Variants in BICD1 observed in about 807,000 individuals in gnomAD.
BICD1 encodes the protein BICD cargo adaptor 1, also known as protein bicaudal D homolog 1.
A neutral mutation model predicts 92.5 loss-of-function variants in BICD1; 35 were observed. The ratio of observed to expected loss-of-function variants is 0.38; its 90% CI spans 0.29 to 0.50. BICD1 has a LOEUF of 0.50. Among genes scored for constraint, BICD1 ranks in the 20% least tolerant of loss-of-function variants. The probability of loss-of-function intolerance (pLI) is 0.93; values close to 1 mark genes in which losing one functional copy is unlikely to be tolerated. For synonymous variants in BICD1, 429 were observed against 465.1 expected (o/e 0.92, Z 1.00); for missense variants, 950 against 1,189.8 (o/e 0.80, Z 2.97).
chr12:32,221,866 A>G (rs4540913), intron 2 of BICD1, among the ~76,000 whole-genome samples: 30,909 of 152,016 alleles, frequency 0.2, 4,273 homozygotes, highest in Middle Eastern at 0.32. Flanking sequence ...TATTTTTGGT[A>G]AGAGCATAAA....
In BICD1 at chr12:32,327,876, A is replaced by G. The variant is rs1186362925; in HGVS notation, c.1421A>G (p.Lys474Arg). 6.2e-7 allele frequency: 1 copy of G among 1,614,182 alleles called. No homozygotes were observed. Among genetic ancestry groups the G allele is most frequent in the Admixed American group, 1.7e-5 (1 of 60,020 alleles). The change falls in exon 5 of 10, where the codon AAG becomes AGG. Residue 474 changes from lysine to arginine, a missense_variant. Lys to Arg is a conservative substitution (Grantham distance 26). Coordinates refer to ENST00000652176, the MANE Select transcript of BICD1 (RefSeq NM_001714.4). ...GTGACAAGCCTTGAGAAGACCACCA[A>G]GGAGAGTGGTGAGAAGATGGCCCAC... ...EQVTSLEKTT[K>R]ESGEKMAHME...
chr12:32,118,093 T>TTTATTTTATTTTATTTTATTTTATTTTA (rs1555126600), intron 1 of BICD1, among the ~76,000 whole-genome samples: 7 of 150,434 alleles, frequency 4.7e-5, no homozygotes, highest in African/African-American at 1.7e-4. Context: ...TTTTATTTAT[T>TTTATTTTATTTTATTTTATTTTATTTTA]TTTTTTGAGA....
chr12:32,165,489 C>T (rs1943731085), intron 1 of BICD1, among the ~76,000 whole-genome samples: 1 of 151,980 alleles, frequency 6.6e-6, no homozygotes, highest in Non-Finnish European at 1.5e-5. Flanking sequence ...GCACTCCAGC[C>T]TGGGCGACAG....
intron 2 of BICD1, among the ~76,000 whole-genome samples, chr12:32,249,441 T>C (rs1188874891): frequency 6.6e-6 from 1 of 152,224 alleles, no homozygotes; most frequent in Non-Finnish European, 1.5e-5. Flanking sequence ...TGAATATGTC[T>C]TTCCTTGTCT....
intron 2 of BICD1, among the ~76,000 whole-genome samples, chr12:32,247,111 G>A (rs1220154568): frequency 6.6e-6 from 1 of 151,800 alleles, no homozygotes; most frequent in Admixed American, 6.6e-5. Context: ...ACAAAAATTA[G>A]CCCGGTATGG....
Position 32,381,623 on chromosome 12 carries a change from A to G in BICD1, c.*3996A>G, listed in dbSNP as rs1400138801. The G allele has an allele frequency of 1.3e-5, 2 of 152,130 alleles. No homozygotes were observed. The highest frequency in any genetic ancestry group is 1.3e-4 in the Admixed American group (2 of 15,258). 9.4% of individuals were successfully genotyped at this position (152,130 alleles called of 1,614,324 possible). A position where few individuals can be genotyped will look rare whatever the true frequency, so the allele number is the denominator to read the frequency against. On this transcript the variant is annotated 3_prime_UTR_variant, in exon 10 of 10. Coordinates refer to ENST00000652176, the MANE Select transcript of BICD1 (RefSeq NM_001714.4). ...CTGGGATGAGTGTCAATTTTAATGTATAATTGTCATAATCAATCAGCCAAA... is the reference window on the plus strand; with the variant it reads ...CTGGGATGAGTGTCAATTTTAATGTGTAATTGTCATAATCAATCAGCCAAA...
At chr12:32,285,734 TC>T (rs35871292) in intron 2 of BICD1, among the ~76,000 whole-genome samples, 1 of 152,158 alleles carries the variant, frequency 6.6e-6, no homozygotes, top group East Asian at 1.9e-4. Context: ...GCTAAAGCAT[TC>T]CCCTGTTGTG....
chr12:32,114,179 G>A (rs1181246499), intron 1 of BICD1, among the ~76,000 whole-genome samples: 1 of 152,000 alleles, frequency 6.6e-6, no homozygotes, highest in East Asian at 1.9e-4. Context: ...CCTAATTTTT[G>A]TACTTTTAGT....
rs1384661100 is a variant in BICD1 at position 32,313,112 on chromosome 12, T to A, written c.1005+6990T>A. On this transcript the variant is annotated intron_variant, in intron 4 of 9. Coordinates refer to ENST00000652176, the MANE Select transcript of BICD1 (RefSeq NM_001714.4). The surrounding 1 kb of genome is among the most constrained non-coding windows in gnomAD (Gnocchi z 4.2). ...TCAAACTAAGCAGGGGAAAACTCTT[T>A]GGATTTTTTTTTTCAGTATTATGCT... is the stretch of plus-strand genomic sequence containing the variant. Among the ~76,000 whole-genome samples the A allele has an allele frequency of 9.0e-6, 1 of 111,518 alleles. No individual in the cohort carries two copies. The highest frequency in any genetic ancestry group is 2.2e-5 in the Non-Finnish European group (1 of 46,242). 73.2% of individuals were successfully genotyped at this position (111,518 alleles called of 152,430 possible).
chr12:32,146,824 TCC>T (rs770042872), intron 1 of BICD1, among the ~76,000 whole-genome samples: 1 of 85,700 alleles, frequency 1.2e-5, no homozygotes, highest in African/African-American at 4.3e-5. Flanking sequence ...CCTCCCTCCC[TCC>T]CTCCCTCCCT....
intron 1 of BICD1, among the ~76,000 whole-genome samples, chr12:32,154,891 C>T (rs1433636732): frequency 6.6e-6 from 1 of 152,178 alleles, no homozygotes; most frequent in Non-Finnish European, 1.5e-5. Context: ...AAACCTCCTG[C>T]TTTATCCTGT....
chr12:32,231,003 A>G (rs1206361437), intron 2 of BICD1, among the ~76,000 whole-genome samples: 1 of 152,194 alleles, frequency 6.6e-6, no homozygotes, highest in East Asian at 1.9e-4. Flanking sequence ...AATTTTTTCC[A>G]TGATTTGGAA....
intron 3 of BICD1, among the ~76,000 whole-genome samples, chr12:32,303,864 G>A (rs183165161): frequency 5.8e-4 from 88 of 152,224 alleles, no homozygotes; most frequent in South Asian, 2.3e-3. Flanking sequence ...CACAAGGTCA[G>A]GAGATTGAAA....
At chr12:32,180,754 C>G (rs1263132406) in intron 1 of BICD1, among the ~76,000 whole-genome samples, 2 of 151,960 alleles carry the variant, frequency 1.3e-5, no homozygotes, top group East Asian at 3.8e-4. Flanking sequence ...ATAATAAAAG[C>G]TAGCATTCCT....
At chr12:32,353,786 A>ATGT (rs1555172044) in intron 8 of BICD1, 1 of 152,196 alleles carries the variant, frequency 6.6e-6, no homozygotes, top group Non-Finnish European at 1.5e-5. Flanking sequence ...TTCATTAGAT[A>ATGT]TGTGCTGTTA....
chr12:32,156,651 C>A (rs1377282833), intron 1 of BICD1, among the ~76,000 whole-genome samples: 2 of 152,134 alleles, frequency 1.3e-5, no homozygotes, highest in Admixed American at 1.3e-4. Flanking sequence ...ATTACTCTTT[C>A]CTGAAGAGCT....
intron 2 of BICD1, among the ~76,000 whole-genome samples, chr12:32,278,579 C>T (rs796955): frequency 0.42 from 64,499 of 152,134 alleles, 14,330 homozygotes; most frequent in South Asian, 0.51. Flanking sequence ...GCAGCCCGGG[C>T]GAGGTGGCTC....
intron 1 of BICD1, among the ~76,000 whole-genome samples, chr12:32,116,452 CTGTCTGTCTG>C (rs1456959202): frequency 6.5e-5 from 8 of 122,330 alleles, no homozygotes; most frequent in Admixed American, 2.7e-4. Context: ...GTCTGTCTGT[CTGTCTGTCTG>C]TCTCTCTCTC....
At chr12:32,180,205 C>T (rs995303843) in intron 1 of BICD1, among the ~76,000 whole-genome samples, 2 of 151,824 alleles carry the variant, frequency 1.3e-5, no homozygotes, top group African/African-American at 4.8e-5. Flanking sequence ...GTTCAATAAT[C>T]AGCTCTGCGA....
Sources: allele counts gnomAD v4.1 joint callset (sites outside exome capture counted in the v4.1 genomes callset), GRCh38; gene constraint gnomAD v4.1.1; non-coding constraint Gnocchi (gnomAD v3.1); transcripts MANE v1.5; gene names NCBI Gene and HGNC (gene_info 2026-07-23, HGNC 2026-07-21).